SAXO1: variants seen among roughly 807,000 people sequenced by gnomAD.
The protein encoded by SAXO1 is stabilizer of axonemal microtubules 1.
Under a neutral mutation model 17.5 loss-of-function variants are expected in SAXO1, and 21 were observed. The ratio of observed to expected loss-of-function variants is 1.20; its 90% CI spans 0.85 to 1.72. The LOEUF is 1.72. Among genes scored for constraint, SAXO1 ranks in the 40% most tolerant of loss-of-function variants. The pLI, the probability that SAXO1 is intolerant of heterozygous loss-of-function variation, is 0.00. For missense variants in SAXO1, 843 were observed against 596.0 expected, an observed-to-expected ratio of 1.41 and a Z score of -4.32; for synonymous variants, 274 against 216.5, an observed-to-expected ratio of 1.27 and a Z score of -2.33.
intron 1 of SAXO1, among the ~76,000 whole-genome samples, chr9:18,970,582 A>C (rs1013898903): frequency 5.3e-5 from 8 of 151,768 alleles, no homozygotes; most frequent in African/African-American, 1.9e-4. Flanking sequence ...TCCCTACCCA[A>C]ATCTATCTAC....
Position 18,961,183 on chromosome 9 carries a change from G to C in SAXO1, c.39-10246C>G, listed in dbSNP as rs915052311. 3.4e-5 allele frequency among the ~76,000 whole-genome samples: 5 copies of C among 148,640 alleles called. No individual in the cohort carries two copies. In the East Asian group the frequency reaches 9.8e-4, roughly 29 times the overall value. The stretch of plus-strand genomic sequence containing the variant: ...TGAAATTCTTTCTTTTTTTTTTTTG[G>C]AGGTGGGGGTTCTCGCTCTGTCAGC... On this transcript the variant is annotated intron_variant, in intron 1 of 3. Coordinates refer to ENST00000380534, the MANE Select transcript of SAXO1 (RefSeq NM_153707.4).
chr9:18,950,626 A>T, intron 2 of SAXO1, 132 bp downstream of exon 2: 1 of 759,562 alleles, frequency 1.3e-6, no homozygotes. Context: ...ACATTAAGGC[A>T]TTAATATCAT....
At chr9:18,961,468 C>T (rs139845100) in intron 1 of SAXO1, among the ~76,000 whole-genome samples, 1 of 152,164 alleles carries the variant, frequency 6.6e-6, no homozygotes, top group Non-Finnish European at 1.5e-5. Flanking sequence ...AGGTATTACT[C>T]CTAATGCTAT....
At chr9:19,011,832 A>G (rs1834740263) in intron 1 of SAXO1, among the ~76,000 whole-genome samples, 1 of 148,592 alleles carries the variant, frequency 6.7e-6, no homozygotes, top group Non-Finnish European at 1.5e-5. Context: ...TTTCAATTTT[A>G]CCATTATTAA....
chr9:18,965,287 C>A (rs1832669917), intron 1 of SAXO1, among the ~76,000 whole-genome samples: 1 of 152,186 alleles, frequency 6.6e-6, no homozygotes, highest in South Asian at 2.1e-4. Flanking sequence ...TGGTCCAGGG[C>A]TGAGTTCAAG....
chr9:18,993,120 T>A (rs1833873705), intron 1 of SAXO1, among the ~76,000 whole-genome samples: 1 of 151,834 alleles, frequency 6.6e-6, no homozygotes, highest in Non-Finnish European at 1.5e-5. Flanking sequence ...TTTTTTTTTT[T>A]ACTTTAAGTT....
At chr9:18,993,731 T>TTCATAGGG (rs1435950418) in intron 1 of SAXO1, among the ~76,000 whole-genome samples, 1 of 152,150 alleles carries the variant, frequency 6.6e-6, no homozygotes, top group African/African-American at 2.4e-5. Context: ...CATCAAGACC[T>TTCATAGGG]TCATATGGAG....
intron 1 of SAXO1, among the ~76,000 whole-genome samples, chr9:18,956,010 G>T (rs1832242685): frequency 6.6e-6 from 1 of 151,366 alleles, no homozygotes; most frequent in African/African-American, 2.4e-5. Context: ...CACAATCATA[G>T]CTCACTGCAG....
chr9:18,933,569 C>A (rs1831146915), intron 3 of SAXO1, among the ~76,000 whole-genome samples: 1 of 152,156 alleles, frequency 6.6e-6, no homozygotes, highest in Admixed American at 6.5e-5. Flanking sequence ...GTACTTCTTG[C>A]AAGCTAGGTA....
intron 1 of SAXO1, among the ~76,000 whole-genome samples, chr9:18,966,781 T>C (rs6475288): frequency 0.18 from 27,765 of 152,112 alleles, 5,336 homozygotes; most frequent in African/African-American, 0.49. Context: ...GTTTTGTTCC[T>C]TTACTGGTGA....
chr9:19,012,386 C>T (rs1238811821), intron 1 of SAXO1, among the ~76,000 whole-genome samples: 2 of 152,368 alleles, frequency 1.3e-5, no homozygotes, highest in South Asian at 4.1e-4. Context: ...TCCCCAAATC[C>T]TTAGGTCTGA....
rs565683701 is a variant in SAXO1 at position 18,964,401 on chromosome 9, T to A, written c.39-13464A>T. ...ATTCAGCTGTGAATCTATCTTGACC[T>A]GGGCATTTTTTTGGTTGGTGGACTA... On this transcript the variant is annotated intron_variant, in intron 1 of 3. Transcript: ENST00000380534. Among the ~76,000 whole-genome samples the A allele has an allele frequency of 3.3e-5, 5 of 152,306 alleles. No individual in the cohort carries two copies. The East Asian group carries it at 9.6e-4, about 29-fold the overall frequency.
upstream of SAXO1, chr9:19,033,264 G>A: frequency 3.9e-6 from 1 of 254,004 alleles, no homozygotes; most frequent in East Asian, 7.2e-5. Flanking sequence ...ATGTCGCCAG[G>A]GCCAGGAGGG....
At chr9:18,946,371 T>A (rs1398140901) in intron 2 of SAXO1, among the ~76,000 whole-genome samples, 8 of 133,992 alleles carry the variant, frequency 6.0e-5, no homozygotes, top group African/African-American at 2.3e-4. Flanking sequence ...AATGAGAGAG[T>A]CAAAGACAGG....
intron 1 of SAXO1, 34 bp from the exon 2 acceptor site, chr9:18,950,971 C>T: frequency 1.3e-6 from 2 of 1,580,660 alleles, no homozygotes; most frequent in Non-Finnish European, 8.6e-7. Context: ...TGATTACCTT[C>T]TTGGGAGAAA....
intron 1 of SAXO1, among the ~76,000 whole-genome samples, chr9:18,999,515 GGCCTC>G: frequency 7.3e-6 from 1 of 137,208 alleles, no homozygotes; most frequent in East Asian, 2.3e-4. Context: ...GAAGTGAGGA[GGCCTC>G]TGCCCGGCCG....
intron 3 of SAXO1, 53 bp from the exon 4 acceptor site, chr9:18,929,108 C>T: frequency 1.3e-6 from 2 of 1,580,612 alleles, no homozygotes; most frequent in African/African-American, 1.3e-5. Flanking sequence ...AACCAACTTG[C>T]ATATATTCTA....
At chr9:19,006,214 G>T (rs893086905) in intron 1 of SAXO1, among the ~76,000 whole-genome samples, 4 of 152,164 alleles carry the variant, frequency 2.6e-5, no homozygotes, top group African/African-American at 9.7e-5. Context: ...CAGTATGATG[G>T]TTTCTCAAAA....
At chr9:19,029,626 G>C (rs1835667697) in intron 1 of SAXO1, among the ~76,000 whole-genome samples, 1 of 152,168 alleles carries the variant, frequency 6.6e-6, no homozygotes, top group Non-Finnish European at 1.5e-5. Flanking sequence ...CAAATAATGA[G>C]ACTCAAGATC....
Sources: allele counts gnomAD v4.1 joint callset (sites outside exome capture counted in the v4.1 genomes callset), GRCh38; gene constraint gnomAD v4.1.1; transcripts MANE v1.5; gene names NCBI Gene and HGNC (gene_info 2026-07-23, HGNC 2026-07-21).